The following NUP205 variants were observed in gnomAD, a reference collection of about 807,000 sequenced individuals.
NUP205 encodes nucleoporin 205, also known as nuclear pore complex protein Nup205.
In NUP205, 76 loss-of-function variants were observed where a neutral mutation model predicts 253.8. That is an observed-to-expected ratio of 0.30 (90% CI 0.25 to 0.36). The LOEUF (loss-of-function observed/expected upper bound fraction) is 0.36, where lower values mean the gene tolerates loss of function less well. Among genes scored for constraint, NUP205 ranks in the 10% least tolerant of loss-of-function variants. NUP205 has a pLI of 1.00. For missense variants in NUP205, 2,162 were observed against 2,425.5 expected, an observed-to-expected ratio of 0.89 and a Z score of 2.28; for synonymous variants, 832 against 850.1, an observed-to-expected ratio of 0.98 and a Z score of 0.37.
chr7:135,566,563 G>A (rs556272218), intron 1 of NUP205, among the ~76,000 whole-genome samples: 2 of 152,284 alleles, frequency 1.3e-5, no homozygotes, highest in South Asian at 4.2e-4. Context: ...ATCTGTCTAT[G>A]TAAGGAAGAT....
chr7:135,623,658 ACTT>A (rs202064334), intron 31 of NUP205, among the ~76,000 whole-genome samples: 5,696 of 152,330 alleles, frequency 0.037, 141 homozygotes, highest in Middle Eastern at 0.1. Context: ...TGAGAAGATA[ACTT>A]CTTCTTAATG....
At chr7:135,598,853 C>A (rs1793906286) in intron 15 of NUP205, 1 of 152,364 alleles carries the variant, frequency 6.6e-6, no homozygotes, top group African/African-American at 2.4e-5. Flanking sequence ...GGATTTGAAC[C>A]TAGGACTCTG....
At chr7:135,563,218 T>C (rs1485096895) in intron 1 of NUP205, among the ~76,000 whole-genome samples, 3 of 152,062 alleles carry the variant, frequency 2.0e-5, no homozygotes, top group African/African-American at 4.8e-5. Flanking sequence ...GATGGAGTCT[T>C]ACTCTGTAGC....
rs1318529936 is a variant in NUP205 at position 135,591,601 on chromosome 7, G to A, written c.1624+1G>A. ...CTCAAAGTCAATGGTAGTAGTCATGGTAAGGAATATGTGGATGTTGTTAAA... is the reference window on the plus strand; with the variant it reads ...CTCAAAGTCAATGGTAGTAGTCATGATAAGGAATATGTGGATGTTGTTAAA... On this transcript the variant is annotated splice_donor_variant, in intron 11 of 42. Coordinates refer to ENST00000285968, the MANE Select transcript of NUP205 (RefSeq NM_015135.3). LOFTEE classifies it high-confidence loss of function. 1 of 1,610,460 alleles carries A rather than the reference G, an allele frequency of 6.2e-7. No homozygotes were observed. Among genetic ancestry groups the A allele is most frequent in the Non-Finnish European group, 8.5e-7 (1 of 1,179,252 alleles).
At chr7:135,588,667 AGT>A (rs942172432) in intron 10 of NUP205, among the ~76,000 whole-genome samples, 1 of 151,016 alleles carries the variant, frequency 6.6e-6, no homozygotes, top group African/African-American at 2.4e-5. Flanking sequence ...TTCCCAAAGC[AGT>A]GGGATTACAG....
intron 1 of NUP205, among the ~76,000 whole-genome samples, chr7:135,569,736 T>A (rs558108651): frequency 1.3e-5 from 2 of 152,248 alleles, no homozygotes; most frequent in South Asian, 2.1e-4. Context: ...TTATCATGTT[T>A]ATCAATTAAA....
At chr7:135,626,098 G>A in intron 32 of NUP205, 142 bp from the exon 33 acceptor site, 1 of 945,786 alleles carries the variant, frequency 1.1e-6, no homozygotes, top group Non-Finnish European at 1.6e-6. Flanking sequence ...GAAGAAAGCG[G>A]TATAATGTAA....
chr7:135,633,798 C>T (rs73452469), intron 35 of NUP205, among the ~76,000 whole-genome samples: 5,797 of 152,198 alleles, frequency 0.038, 370 homozygotes, highest in African/African-American at 0.13. Context: ...AGTACTTTAT[C>T]AGAAATATAT....
chr7:135,624,679 A>G (rs1563133966), intron 31 of NUP205, among the ~76,000 whole-genome samples: 1 of 151,716 alleles, frequency 6.6e-6, no homozygotes, highest in Non-Finnish European at 1.5e-5. Context: ...TCCCGGCCTA[A>G]TTTTTTTAAT....
chr7:135,563,505 A>G (rs905723436), intron 1 of NUP205, among the ~76,000 whole-genome samples: 7 of 152,102 alleles, frequency 4.6e-5, no homozygotes, highest in African/African-American at 1.2e-4. Context: ...ACATTTATGT[A>G]TGATTATGAT....
intron 6 of NUP205, among the ~76,000 whole-genome samples, chr7:135,578,380 A>T (rs73725140): frequency 0.034 from 5,173 of 152,344 alleles, 118 homozygotes; most frequent in Middle Eastern, 0.1. Flanking sequence ...TCAGTAATGT[A>T]ATCTTTGATC....
intron 34 of NUP205, among the ~76,000 whole-genome samples, chr7:135,629,558 A>G (rs1178427242): frequency 7.8e-6 from 1 of 128,368 alleles, no homozygotes; most frequent in East Asian, 2.3e-4. Flanking sequence ...ACAGAGTCTC[A>G]CTTCGTCACC....
chr7:135,564,096 TGAGA>T (rs1805674078), intron 1 of NUP205, among the ~76,000 whole-genome samples: 1 of 151,950 alleles, frequency 6.6e-6, no homozygotes, highest in South Asian at 2.1e-4. Context: ...TTTTCTTCTT[TGAGA>T]CGAGGTTTCA....
rs780487769 is a variant in NUP205 at position 135,625,392 on chromosome 7, G to A, written c.4671+37G>A. 9 of 1,491,798 alleles carry A rather than the reference G, an allele frequency of 6.0e-6. No individual in the cohort carries two copies. In the Admixed American group the frequency reaches 1.8e-4, roughly 30 times the overall value. 92.4% of individuals were successfully genotyped at this position (1,491,798 alleles called of 1,614,324 possible). A position where few individuals can be genotyped will look rare whatever the true frequency, so the allele number is the denominator to read the frequency against. ...TAGACATTTGATGTTAGATCAAGAA[G>A]TCGTTTTCTCTTGGCTATAGATGTA... On this transcript the variant is annotated intron_variant, in intron 32 of 42. Coordinates refer to ENST00000285968, the MANE Select transcript of NUP205 (RefSeq NM_015135.3).
chr7:135,581,429 C>A (rs1411288323), intron 7 of NUP205, among the ~76,000 whole-genome samples: 3 of 152,124 alleles, frequency 2.0e-5, no homozygotes, highest in African/African-American at 7.2e-5. Flanking sequence ...TGGCTGTAGT[C>A]CCAGCTACGC....
chr7:135,564,061 G>T (rs1805672183), intron 1 of NUP205, among the ~76,000 whole-genome samples: 1 of 151,860 alleles, frequency 6.6e-6, no homozygotes, highest in South Asian at 2.1e-4. Context: ...CTTTGTTGCG[G>T]CTACCTTTGG....
rs1390120289 is a variant in NUP205, at chr7:135,619,610, C to T, written c.4151C>T (p.Pro1384Leu). Reference protein sequence around the residue: ...CFTSPPPEENPLVGFASIGDS... With the variant: ...CFTSPPPEENLLVGFASIGDS... ...ACCTCACCTCCTCCTGAAGAGAACC[C>T]ATTAGTGGGTTTTGCTTCTATTGGA... Residue 1384 changes from proline (P) to leucine (L), a missense_variant, in exon 29 of 43, where the codon CCA (proline) becomes CTA (leucine). Coordinates refer to ENST00000285968, the MANE Select transcript of NUP205 (RefSeq NM_015135.3). 6.2e-7 allele frequency: 1 copy of T among 1,614,112 alleles called. No individual in the cohort carries two copies. The highest frequency in any genetic ancestry group is 1.7e-5 in the Admixed American group (1 of 60,020).
intron 38 of NUP205, 119 bp downstream of exon 38, chr7:135,638,802 A>G (rs764593595): frequency 3.6e-5 from 37 of 1,024,038 alleles, no homozygotes; most frequent in East Asian, 1.2e-4. Flanking sequence ...AATGGGAAAC[A>G]TTTTAAATAA....
At chr7:135,623,004 G>A in intron 31 of NUP205, 79 bp downstream of exon 31, 1 of 1,436,320 alleles carries the variant, frequency 7.0e-7, no homozygotes, top group South Asian at 1.2e-5. Context: ...ACGGCTGGGT[G>A]TGGTGCCTCA....
Sources: allele counts gnomAD v4.1 joint callset (sites outside exome capture counted in the v4.1 genomes callset), GRCh38; gene constraint gnomAD v4.1.1; transcripts MANE v1.5; gene names NCBI Gene and HGNC (gene_info 2026-07-23, HGNC 2026-07-21).